ATXN2: variants seen among roughly 807,000 people sequenced by gnomAD.
ATXN2 encodes ataxin-2.
A neutral mutation model predicts 138.6 loss-of-function variants in ATXN2; 37 were observed. That is an observed-to-expected ratio of 0.27 (90% CI 0.21 to 0.35). The LOEUF is 0.35. Ranked by LOEUF, ATXN2 falls within the 10% of genes least tolerant of loss-of-function variation. The probability of loss-of-function intolerance (pLI) is 1.00; values close to 1 mark genes in which losing one functional copy is unlikely to be tolerated. For missense variants in ATXN2, 1,216 were observed against 1,480.3 expected (o/e 0.82, Z 2.93); for synonymous variants, 549 against 543.7 (o/e 1.01, Z -0.13).
In ATXN2 at chr12:111,488,581, G is replaced by A. The variant is rs754276115; in HGVS notation, c.2135C>T (p.Thr712Met). 2.2e-5 allele frequency: 35 copies of A among 1,614,134 alleles called. No homozygotes were observed. The highest frequency in any genetic ancestry group is 4.0e-5 in the African/African-American group (3 of 75,040). ...PSISPSILSN[T>M]EHKRGPEVTS... ...GACCTCAGGTCCCCTCTTGTGCTCC[G>A]TGTTACTAAGTATTGAAGGGGAAAT... Residue 712 changes from threonine (T) to methionine (M), a missense_variant, in exon 15 of 25, where the codon ACG becomes ATG. Thr to Met is a moderately conservative substitution (Grantham distance 81). This residue lies in a region of ATXN2 where 490 missense variants were observed against 653.5 expected (regional missense o/e 0.75). Transcript: ENST00000673436.
chr12:111,536,828 G>C (rs1336618862), intron 5 of ATXN2, among the ~76,000 whole-genome samples: 1 of 132,022 alleles, frequency 7.6e-6, no homozygotes, highest in African/African-American at 3.0e-5. Context: ...CTGTCACCCA[G>C]GCTGGAGTGC....
chr12:111,491,847 G>C (rs1035493814), intron 14 of ATXN2, among the ~76,000 whole-genome samples: 18 of 152,102 alleles, frequency 1.2e-4, no homozygotes, highest in Non-Finnish European at 2.5e-4. Flanking sequence ...GAGTAAAAAG[G>C]ACTTTATCTT....
chr12:111,515,117 C>CT (rs1879778366), intron 10 of ATXN2, among the ~76,000 whole-genome samples: 1 of 152,158 alleles, frequency 6.6e-6, no homozygotes, highest in Admixed American at 6.5e-5. Context: ...GTGGAACTTG[C>CT]TCTTCAAGGT....
At chr12:111,553,657 G>A (rs774871558) in intron 3 of ATXN2, among the ~76,000 whole-genome samples, 10 of 141,402 alleles carry the variant, frequency 7.1e-5, no homozygotes, top group Non-Finnish European at 1.0e-4. Flanking sequence ...GCTGAGTGCA[G>A]GGGCATTATC....
intron 1 of ATXN2, among the ~76,000 whole-genome samples, chr12:111,563,132 T>C (rs1882789644): frequency 6.6e-6 from 1 of 152,118 alleles, no homozygotes; most frequent in African/African-American, 2.4e-5. Flanking sequence ...TGAGGGACAG[T>C]CTACAAAATA....
chr12:111,501,948 G>C (rs986882029), intron 14 of ATXN2, among the ~76,000 whole-genome samples: 1 of 151,640 alleles, frequency 6.6e-6, no homozygotes, highest in Non-Finnish European at 1.5e-5. Flanking sequence ...CTGGAGCGCA[G>C]TGGTGCAAGC....
At chr12:111,524,769 T>G (rs1448988265) in intron 6 of ATXN2, among the ~76,000 whole-genome samples, 1 of 152,212 alleles carries the variant, frequency 6.6e-6, no homozygotes, top group African/African-American at 2.4e-5. Flanking sequence ...GACAACCTTT[T>G]CTTCAGACAA....
At chr12:111,455,302 T>C (rs895136154) in intron 23 of ATXN2, 3 of 572,088 alleles carry the variant, frequency 5.2e-6, no homozygotes, top group Non-Finnish European at 9.5e-6. Context: ...ATTAAGACAA[T>C]CCCCTGGGCC....
At chr12:111,472,345 A>G (rs1177925976) in intron 18 of ATXN2, among the ~76,000 whole-genome samples, 2 of 152,184 alleles carry the variant, frequency 1.3e-5, no homozygotes, top group Non-Finnish European at 2.9e-5. Context: ...GAAAAATGCT[A>G]AAAATATTTT....
In ATXN2 at chr12:111,598,683, C is replaced by G. The variant is rs1462963481; in HGVS notation, c.251+101G>C. The G allele has an allele frequency of 7.9e-6, 7 of 883,032 alleles. No homozygotes were observed. In the African/African-American group the frequency reaches 1.1e-4, roughly 14 times the overall value. 54.7% of individuals were successfully genotyped at this position (883,032 alleles called of 1,614,324 possible). A position where few individuals can be genotyped will look rare whatever the true frequency, so the allele number is the denominator to read the frequency against. The stretch of plus-strand genomic sequence containing the variant: ...CCCGCGCTGCCGGCCCCCAGCCCAC[C>G]CCGGGTAGCCCGGCGGGTCACGGGG... On this transcript the variant is annotated intron_variant, in intron 1 of 24. Transcript: ENST00000673436. This position sits in a 1 kb window ranked among gnomAD's most constrained non-coding sequence, Gnocchi z 4.5.
Position 111,513,488 on chromosome 12 carries a change from ACT to A in ATXN2, c.1425_1426del (p.Arg475SerfsTer22). 6.2e-7 allele frequency: 1 copy of A among 1,613,886 alleles called. No homozygotes were observed. Among genetic ancestry groups the A allele is most frequent in the Non-Finnish European group, 8.5e-7 (1 of 1,179,952 alleles). ...GGATATGGAACCCCTCCCAGCAGAA[ACT>A]CTGTGATTTCGAGGATGTCGCTGGG... is the stretch of plus-strand genomic sequence containing the variant. On this transcript the variant is annotated frameshift_variant, in exon 11 of 25. Coordinates refer to ENST00000673436, the MANE Select transcript of ATXN2 (RefSeq NM_001372574.1). LOFTEE classifies it high-confidence loss of function.
chr12:111,594,347 T>C (rs888859930), intron 1 of ATXN2, among the ~76,000 whole-genome samples: 2 of 152,092 alleles, frequency 1.3e-5, no homozygotes, highest in Non-Finnish European at 2.9e-5. Flanking sequence ...AGCACATTTT[T>C]TTTTTTTTTG....
At chr12:111,566,928 G>A (rs1016574153) in intron 1 of ATXN2, among the ~76,000 whole-genome samples, 10 of 152,066 alleles carry the variant, frequency 6.6e-5, no homozygotes, top group East Asian at 1.9e-4. Context: ...ATGAGCCACC[G>A]TGCCCAACCA....
intron 1 of ATXN2, among the ~76,000 whole-genome samples, chr12:111,585,131 T>A (rs1346779615): frequency 6.6e-6 from 1 of 152,204 alleles, no homozygotes. Flanking sequence ...GTGTTATGAG[T>A]CACCATTATG....
At position 111,543,390 on chromosome 12, in the gene ATXN2, C is replaced by T. The variant is rs185904202; in HGVS notation, c.571+8890G>A. Among the ~76,000 whole-genome samples the T allele has an allele frequency of 2.6e-4, 39 of 152,260 alleles. 1 individual carries two copies. In the East Asian group the frequency reaches 4.2e-3, roughly 17 times the overall value. On this transcript the variant is annotated intron_variant, in intron 5 of 24. Transcript: ENST00000673436. ...TATTTCTCACTGTTCTCTAATTACACATTAACACTCCAACTTCTTCCAACT... is the reference window on the plus strand; with the variant it reads ...TATTTCTCACTGTTCTCTAATTACATATTAACACTCCAACTTCTTCCAACT...
In ATXN2 at chr12:111,452,781, A is replaced by C; in HGVS notation, c.*31T>G. 1 of 1,602,746 alleles carries C rather than the reference A, an allele frequency of 6.2e-7. No homozygotes were observed. The highest frequency in any genetic ancestry group is 8.5e-7 in the Non-Finnish European group (1 of 1,169,694). On this transcript the variant is annotated 3_prime_UTR_variant, in exon 25 of 25. Coordinates refer to ENST00000673436, the MANE Select transcript of ATXN2 (RefSeq NM_001372574.1). ...GTAGAAGCAGTAGAAGGGAGGAGGG[A>C]ATTTGGCCTTTCGGTTCCTCCAGGG...
At chr12:111,591,228 T>C (rs559188234) in intron 1 of ATXN2, among the ~76,000 whole-genome samples, 1 of 152,106 alleles carries the variant, frequency 6.6e-6, no homozygotes, top group Non-Finnish European at 1.5e-5. Flanking sequence ...CCTGCCCCTA[T>C]GGAAAAACCA....
intron 1 of ATXN2, among the ~76,000 whole-genome samples, chr12:111,594,189 T>A (rs1278908549): frequency 1.3e-5 from 2 of 152,198 alleles, no homozygotes; most frequent in Admixed American, 1.3e-4. Context: ...CACTGATTCA[T>A]CCCAAAAACC....
Position 111,453,608 on chromosome 12 carries a change from C to T in ATXN2, c.3439+69G>A. 6.8e-7 allele frequency: 1 copy of T among 1,470,540 alleles called. No individual in the cohort carries two copies. The highest frequency in any genetic ancestry group is 9.0e-7 in the Non-Finnish European group (1 of 1,107,198). 91.1% of individuals were successfully genotyped at this position (1,470,540 alleles called of 1,614,324 possible). A position where few individuals can be genotyped will look rare whatever the true frequency, so the allele number is the denominator to read the frequency against. The stretch of plus-strand genomic sequence containing the variant: ...GCGGGGCTTGAAGCACTGGCCCTGC[C>T]TGCCATTCCACCTGTGCGAGCAGAA... On this transcript the variant is annotated intron_variant, in intron 24 of 24. Transcript: ENST00000673436. This position sits in a 1 kb window ranked among gnomAD's most constrained non-coding sequence, Gnocchi z 5.4.
Sources: gnomAD v4.1 joint callset for allele counts (sites outside exome capture counted in the v4.1 genomes callset) on GRCh38, gnomAD v4.1.1 for gene constraint, gnomAD v4.1.1 regional missense constraint, Gnocchi (gnomAD v3.1) non-coding constraint, MANE v1.5 for transcripts, NCBI Gene and HGNC (gene_info 2026-07-23, HGNC 2026-07-21) for gene names.